The following KLHL32 variants were observed in gnomAD, a reference collection of about 807,000 sequenced individuals.
KLHL32 encodes kelch-like protein 32.
A neutral mutation model predicts 64.8 loss-of-function variants in KLHL32; 35 were observed. That is an observed-to-expected ratio of 0.54 (90% confidence interval 0.41 to 0.72). KLHL32 has a LOEUF of 0.72. Among genes scored for constraint, KLHL32 ranks in the 30% least tolerant of loss-of-function variants. The pLI is 0.00. For synonymous variants in KLHL32, 259 were observed against 281.0 expected, an observed-to-expected ratio of 0.92 and a Z score of 0.78; for missense variants, 589 against 768.5, an observed-to-expected ratio of 0.77 and a Z score of 2.76.
chr6:97,085,411 G>A, intron 6 of KLHL32, 70 bp downstream of exon 6: 2 of 1,336,824 alleles, frequency 1.5e-6, no homozygotes, highest in South Asian at 2.4e-5. Flanking sequence ...AAAGGACTGA[G>A]GAACAATTAC....
intron 6 of KLHL32, among the ~76,000 whole-genome samples, chr6:97,088,596 G>A (rs1419318237): frequency 6.6e-6 from 1 of 152,154 alleles, no homozygotes; most frequent in Non-Finnish European, 1.5e-5. Context: ...AAATAAACAA[G>A]TTCTAGGGAT....
intron 3 of KLHL32, among the ~76,000 whole-genome samples, chr6:97,013,885 A>G (rs944934745): frequency 3.9e-5 from 6 of 152,212 alleles, no homozygotes; most frequent in Non-Finnish European, 7.3e-5. Context: ...CAAAAGGGAT[A>G]AATGCTCATT....
rs926450776 is a variant in KLHL32, at chr6:96,984,754, G to A, written c.204+8577G>A. Among the ~76,000 whole-genome samples, 3 of 152,056 alleles carry A rather than the reference G, an allele frequency of 2.0e-5. 1 individual carries two copies. Among genetic ancestry groups the A allele is most frequent in the African/African-American group, 7.3e-5 (3 of 41,378 alleles). ...ATCTTCCTCCATCCTTTTATTTTGA[G>A]CCTATGTGTGTCTCTGCACGTGAGA... On this transcript the variant is annotated intron_variant, in intron 3 of 10. Coordinates refer to ENST00000369261, the MANE Select transcript of KLHL32 (RefSeq NM_052904.4).
At chr6:96,974,593 G>A (rs1172826951) in intron 2 of KLHL32, among the ~76,000 whole-genome samples, 1 of 152,168 alleles carries the variant, frequency 6.6e-6, no homozygotes, top group African/African-American at 2.4e-5. Context: ...CGTCTGTCAA[G>A]TTTTTTCTTT....
At chr6:96,982,106 G>A (rs893272424) in intron 3 of KLHL32, among the ~76,000 whole-genome samples, 1 of 152,062 alleles carries the variant, frequency 6.6e-6, no homozygotes, top group Admixed American at 6.6e-5. Context: ...GAATATCTTG[G>A]TTAGTTCTCT....
chr6:96,900,237 A>C, the KLHL32 span, among the ~76,000 whole-genome samples: 1 of 152,214 alleles, frequency 6.6e-6, no homozygotes, highest in African/African-American at 2.4e-5. Context: ...GGTTTTACAC[A>C]GATTAAAAAT....
At chr6:97,130,075 A>G (rs1799270937) in intron 8 of KLHL32, among the ~76,000 whole-genome samples, 1 of 152,186 alleles carries the variant, frequency 6.6e-6, no homozygotes, top group Non-Finnish European at 1.5e-5. Flanking sequence ...CAGGAGGTTA[A>G]TTTTGGAAAG....
chr6:96,902,493 C>T, the KLHL32 span, among the ~76,000 whole-genome samples: 3 of 152,008 alleles, frequency 2.0e-5, no homozygotes, highest in African/African-American at 7.2e-5. Flanking sequence ...CATATTGGAC[C>T]TTTGTCAGAT....
intron 1 of KLHL32, among the ~76,000 whole-genome samples, chr6:96,929,843 T>C (rs1313853936): frequency 1.3e-5 from 2 of 152,224 alleles, no homozygotes; most frequent in Non-Finnish European, 1.5e-5. Context: ...GTTCCACATA[T>C]GGCAGAAAGC....
chr6:97,025,325 T>C (rs1782569413), intron 3 of KLHL32, among the ~76,000 whole-genome samples: 1 of 152,216 alleles, frequency 6.6e-6, no homozygotes, highest in Admixed American at 6.5e-5. Context: ...ATGCCTGAAC[T>C]CCTGAAAGAT....
intron 10 of KLHL32, among the ~76,000 whole-genome samples, chr6:97,135,798 C>T (rs1355689032): frequency 1.3e-5 from 2 of 151,854 alleles, no homozygotes; most frequent in Admixed American, 6.6e-5. Flanking sequence ...TTATGGATGA[C>T]GATAGAACAA....
intron 3 of KLHL32, among the ~76,000 whole-genome samples, chr6:96,986,204 G>A (rs1218456026): frequency 1.3e-5 from 2 of 152,196 alleles, no homozygotes; most frequent in Non-Finnish European, 2.9e-5. Context: ...GTGAACAGCA[G>A]ATGTTGCTGC....
intron 3 of KLHL32, among the ~76,000 whole-genome samples, chr6:97,014,723 CTA>C (rs1404607499): frequency 6.6e-6 from 1 of 152,168 alleles, no homozygotes; most frequent in African/African-American, 2.4e-5. Context: ...AGTAACCCAG[CTA>C]AGGTCATGTA....
chr6:96,988,130 G>T (rs914689576), intron 3 of KLHL32, among the ~76,000 whole-genome samples: 8 of 152,294 alleles, frequency 5.3e-5, no homozygotes, highest in African/African-American at 1.9e-4. Flanking sequence ...AAGAGCTTCT[G>T]CACAGCAAAA....
intron 4 of KLHL32, among the ~76,000 whole-genome samples, chr6:97,058,231 T>A (rs1026666310): frequency 6.6e-6 from 1 of 152,184 alleles, no homozygotes; most frequent in Non-Finnish European, 1.5e-5. Flanking sequence ...TTGGGTCTTT[T>A]GCTTCTTCAT....
At chr6:96,989,234 A>G (rs975035090) in intron 3 of KLHL32, among the ~76,000 whole-genome samples, 1 of 152,204 alleles carries the variant, frequency 6.6e-6, no homozygotes, top group Admixed American at 6.5e-5. Flanking sequence ...GGTAGCTGGT[A>G]ATGATGTTTC....
At chr6:97,095,594 A>G (rs989251766) in intron 6 of KLHL32, among the ~76,000 whole-genome samples, 2 of 152,164 alleles carry the variant, frequency 1.3e-5, no homozygotes, top group Non-Finnish European at 2.9e-5. Context: ...AGCCACTCCT[A>G]TTTGACCTAT....
chr6:96,981,933 G>T (rs1582569439), intron 3 of KLHL32, among the ~76,000 whole-genome samples: 1 of 151,896 alleles, frequency 6.6e-6, no homozygotes, highest in African/African-American at 2.4e-5. Context: ...TATAATGTCA[G>T]TTTTTTTTAA....
intron 2 of KLHL32, among the ~76,000 whole-genome samples, chr6:96,972,633 A>G (rs1775239629): frequency 6.6e-6 from 1 of 152,138 alleles, no homozygotes; most frequent in Non-Finnish European, 1.5e-5. Context: ...TCCTTGAGAA[A>G]TATGGTTCTT....
Sources: allele counts gnomAD v4.1 joint callset (sites outside exome capture counted in the v4.1 genomes callset), GRCh38; gene constraint gnomAD v4.1.1; transcripts MANE v1.5; gene names NCBI Gene and HGNC (gene_info 2026-07-23, HGNC 2026-07-21).